DHRS12: variants seen among roughly 807,000 people sequenced by gnomAD.
DHRS12 encodes the protein dehydrogenase/reductase SDR family member 12.
A neutral mutation model predicts 32.1 loss-of-function variants in DHRS12; 29 were observed. That is an observed-to-expected ratio of 0.90 (90% confidence interval 0.67 to 1.23). The LOEUF (loss-of-function observed/expected upper bound fraction) is 1.23, where lower values mean the gene tolerates loss of function less well. DHRS12 is among the 50% of genes most tolerant of loss of function. The pLI is 0.00. For synonymous variants in DHRS12, 150 were observed against 135.9 expected (o/e 1.10, Z -0.72); for missense variants, 330 against 337.2 (o/e 0.98, Z 0.17).
intron 2 of DHRS12, among the ~76,000 whole-genome samples, chr13:51,793,498 G>A (rs1171846569): frequency 6.6e-6 from 1 of 152,182 alleles, no homozygotes; most frequent in Non-Finnish European, 1.5e-5. Flanking sequence ...TGAGACAAAT[G>A]AGACAAAGCA....
downstream of DHRS12, chr13:51,764,349 G>T (rs1953680795): frequency 6.6e-6 from 1 of 152,424 alleles, no homozygotes; most frequent in Non-Finnish European, 1.5e-5. Context: ...GGCAGGAGGG[G>T]CTTCACAGAG....
chr13:51,789,681 T>C, intron 4 of DHRS12: 7 of 985,460 alleles, frequency 7.1e-6, no homozygotes, highest in Non-Finnish European at 8.4e-6. Context: ...TGGCTGGAAG[T>C]TCCTTTGGTT....
chr13:51,799,979 G>T (rs952498510), intron 1 of DHRS12, among the ~76,000 whole-genome samples: 3 of 152,210 alleles, frequency 2.0e-5, no homozygotes, highest in African/African-American at 7.2e-5. Context: ...CTTGACAGAT[G>T]AATTGCTCTT....
chr13:51,785,795 G>C (rs892571437), intron 4 of DHRS12, among the ~76,000 whole-genome samples: 2 of 152,170 alleles, frequency 1.3e-5, no homozygotes, highest in Non-Finnish European at 2.9e-5. Context: ...CATAGCAATA[G>C]CTGATGATAC....
At chr13:51,798,408 A>C (rs1029566567) in intron 2 of DHRS12, among the ~76,000 whole-genome samples, 1 of 152,246 alleles carries the variant, frequency 6.6e-6, no homozygotes, top group African/African-American at 2.4e-5. Flanking sequence ...AGCAGCCCTC[A>C]TATTATCCCA....
At chr13:51,799,478 A>G in intron 2 of DHRS12, 56 bp downstream of exon 2, 1 of 1,603,088 alleles carries the variant, frequency 6.2e-7, no homozygotes, top group Non-Finnish European at 8.5e-7. Context: ...CTCAGTGTGG[A>G]CCGGCCGCAG....
intron 6 of DHRS12, 38 bp from the exon 7 acceptor site, chr13:51,771,949 G>A (rs1954040555): frequency 6.2e-7 from 1 of 1,605,664 alleles, no homozygotes; most frequent in South Asian, 1.1e-5. Flanking sequence ...CAGGAGAGAG[G>A]AGGCGCCATT....
intron 7 of DHRS12, among the ~76,000 whole-genome samples, 168 bp downstream of exon 7, chr13:51,771,653 T>C (rs1954023252): frequency 6.6e-6 from 1 of 152,210 alleles, no homozygotes; most frequent in Non-Finnish European, 1.5e-5. Context: ...TGTATGAGGC[T>C]TCCCCCAGCT....
chr13:51,778,308 C>G (rs942739046), intron 4 of DHRS12, among the ~76,000 whole-genome samples: 3 of 152,260 alleles, frequency 2.0e-5, no homozygotes, highest in Non-Finnish European at 2.9e-5. Flanking sequence ...TTGTCCTGCT[C>G]TTGCTGTATT....
downstream of DHRS12, chr13:51,766,431 CTTTT>C (rs901624908): frequency 6.6e-6 from 1 of 152,142 alleles, no homozygotes; most frequent in Admixed American, 6.5e-5. Flanking sequence ...CTTTTTCTTT[CTTTT>C]TTTAAAGTGA....
the DHRS12 span, chr13:51,756,351 G>C: frequency 6.2e-7 from 1 of 1,613,764 alleles, no homozygotes; most frequent in Non-Finnish European, 8.5e-7. Context: ...CGCAAGTGTG[G>C]GAAGGCCGTC....
downstream of DHRS12, chr13:51,765,358 T>G (rs1953715048): frequency 6.6e-6 from 1 of 152,184 alleles, no homozygotes; most frequent in Non-Finnish European, 1.5e-5. Flanking sequence ...AGAAGCCTAC[T>G]TAGGTTTAAC....
chr13:51,787,713 T>G (rs1955023140), intron 4 of DHRS12, among the ~76,000 whole-genome samples: 1 of 139,228 alleles, frequency 7.2e-6, no homozygotes, highest in Non-Finnish European at 1.5e-5. Flanking sequence ...AATATATAAT[T>G]TATATAAAAC....
intron 4 of DHRS12, among the ~76,000 whole-genome samples, chr13:51,781,705 G>A (rs1035213943): frequency 3.9e-4 from 59 of 152,204 alleles, no homozygotes; most frequent in Non-Finnish European, 1.3e-4. Context: ...TGAGGCTGGA[G>A]AGTGCAACCA....
the DHRS12 span, among the ~76,000 whole-genome samples, chr13:51,758,552 TAAAAAAAAA>T: frequency 2.3e-5 from 3 of 127,722 alleles, no homozygotes; most frequent in African/African-American, 8.7e-5. Context: ...CCTCATCTCT[TAAAAAAAAA>T]AAAAAAAAAA....
chr13:51,777,328 T>C, intron 4 of DHRS12: 3 of 587,988 alleles, frequency 5.1e-6, no homozygotes, highest in East Asian at 2.8e-5. Context: ...TAGAGCCTCA[T>C]GTACCGACAG....
chr13:51,790,569 C>A lies in DHRS12; in HGVS notation c.220-477G>T, dbSNP rs116984511. On this transcript the variant is annotated intron_variant, in intron 3 of 8. Coordinates refer to ENST00000444610, the MANE Select transcript of DHRS12 (RefSeq NM_001377533.1). Reference sequence around the variant, plus strand: ...GCCTTGAAACCTGCTAATTTATACACTTACACCACATCTCAGTTTGGACTA... The same window carrying A: ...GCCTTGAAACCTGCTAATTTATACAATTACACCACATCTCAGTTTGGACTA... Among the ~76,000 whole-genome samples, 371 of 152,256 alleles carry A rather than the reference C, an allele frequency of 2.4e-3. 2 individuals carry two copies. The highest frequency in any genetic ancestry group is 4.0e-3 in the Non-Finnish European group (275 of 68,028).
At chr13:51,796,192 C>T (rs187359392) in intron 2 of DHRS12, among the ~76,000 whole-genome samples, 42 of 152,332 alleles carry the variant, frequency 2.8e-4, no homozygotes, top group Middle Eastern at 3.4e-3. Flanking sequence ...CTTCATACCA[C>T]GCTTTTGTGT....
At chr13:51,762,373 C>A in the DHRS12 span, 1 of 152,298 alleles carries the variant, frequency 6.6e-6, no homozygotes, top group African/African-American at 2.4e-5. Flanking sequence ...CAGAGCCACT[C>A]AGAGGCTGAA....
Sources: gnomAD v4.1 joint callset for allele counts (sites outside exome capture counted in the v4.1 genomes callset) on GRCh38, gnomAD v4.1.1 for gene constraint, MANE v1.5 for transcripts, NCBI Gene and HGNC (gene_info 2026-07-23, HGNC 2026-07-21) for gene names.